TRAF3: variants seen among roughly 807,000 people sequenced by gnomAD.
The protein encoded by TRAF3 is TNF receptor associated factor 3, also known as TNF receptor-associated factor 3.
In TRAF3, 13 loss-of-function variants were observed where a neutral mutation model predicts 62.3. The ratio of observed to expected loss-of-function variants is 0.21; its 90% CI spans 0.14 to 0.33. TRAF3 has a LOEUF of 0.33. TRAF3 is among the 10% of genes least tolerant of loss of function. The pLI is 1.00. For synonymous variants in TRAF3, 269 were observed against 283.4 expected, an observed-to-expected ratio of 0.95 and a Z score of 0.51; for missense variants, 440 against 741.8, an observed-to-expected ratio of 0.59 and a Z score of 4.73.
chr14:102,793,421 T>C (rs2139422249), intron 1 of TRAF3, among the ~76,000 whole-genome samples: 1 of 152,336 alleles, frequency 6.6e-6, no homozygotes, highest in East Asian at 1.9e-4. Flanking sequence ...CCCAAAGTGC[T>C]GGGATTACAG....
chr14:102,858,640 G>T (rs916164807), intron 2 of TRAF3, among the ~76,000 whole-genome samples: 3 of 152,146 alleles, frequency 2.0e-5, no homozygotes, highest in Non-Finnish European at 4.4e-5. Context: ...TAGGAATTTT[G>T]ATTACTTTTG....
At chr14:102,857,610 T>C (rs7154352) in intron 2 of TRAF3, among the ~76,000 whole-genome samples, 64,197 of 151,726 alleles carry the variant, frequency 0.42, 18,590 homozygotes, top group African/African-American at 0.82. Flanking sequence ...TGGCGTGGGG[T>C]TCCTGGGCCT....
chr14:102,787,352 C>CT lies in TRAF3; in HGVS notation c.-157+9685dup, dbSNP rs545070861. Among the ~76,000 whole-genome samples the CT allele has an allele frequency of 3.3e-5, 5 of 151,922 alleles. No individual in the cohort carries two copies. The East Asian group carries it at 5.8e-4, about 18-fold the overall frequency. On this transcript the variant is annotated intron_variant, in intron 1 of 11. Transcript: ENST00000392745. ...ATATATTTAAATTCGTATTTTAGCA[C>CT]TTTTTTTTCTGTTATTTAGCAATAA...
chr14:102,910,703 G>A lies in TRAF3; in HGVS notation c.*4919G>A, dbSNP rs983668231. On this transcript the variant is annotated 3_prime_UTR_variant, in exon 12 of 12. Coordinates refer to ENST00000392745, the MANE Select transcript of TRAF3 (RefSeq NM_145725.3). ...CGGGGCTGGCAGGTGTGCGGGTGAG[G>A]AGGCCCCGGTGGCCAAGCAGAGCCT... 2.0e-5 allele frequency: 3 copies of A among 152,356 alleles called. No individual in the cohort carries two copies. Among genetic ancestry groups the A allele is most frequent in the African/African-American group, 7.2e-5 (3 of 41,464 alleles). The allele number at this position is 152,356 out of a possible 1,614,324, so 9.4% of individuals were successfully genotyped here. A position where few individuals can be genotyped will look rare whatever the true frequency, so the allele number is the denominator to read the frequency against.
At chr14:102,840,977 G>A (rs561705003) in intron 2 of TRAF3, among the ~76,000 whole-genome samples, 7 of 152,312 alleles carry the variant, frequency 4.6e-5, no homozygotes, top group African/African-American at 1.2e-4. Context: ...TTTGGGGGCC[G>A]GATGCTGTTA....
At chr14:102,887,054 G>A (rs945668420) in intron 7 of TRAF3, among the ~76,000 whole-genome samples, 2 of 152,178 alleles carry the variant, frequency 1.3e-5, no homozygotes, top group Admixed American at 6.5e-5. Flanking sequence ...CTCACATTGC[G>A]CTTGGCACTC....
intron 1 of TRAF3, among the ~76,000 whole-genome samples, chr14:102,796,108 T>C (rs934603360): frequency 6.6e-6 from 1 of 152,120 alleles, no homozygotes; most frequent in African/African-American, 2.4e-5. Context: ...TCCCAGCTAC[T>C]TGGGAGGCTG....
intron 2 of TRAF3, among the ~76,000 whole-genome samples, chr14:102,831,288 A>G (rs1900666925): frequency 6.6e-6 from 1 of 152,182 alleles, no homozygotes. Context: ...CCCTATGGTG[A>G]GGAAACCCAT....
In TRAF3 at chr14:102,905,885, G is replaced by A. The variant is rs920973596; in HGVS notation, c.*101G>A. ...CCTCGCGCTCAGAAAAGGACCTTGT[G>A]AGACGGAGGAAGCGGCAGAAGGCGG... On this transcript the variant is annotated 3_prime_UTR_variant, in exon 12 of 12. Transcript: ENST00000392745. 37 of 1,129,624 alleles carry A rather than the reference G, an allele frequency of 3.3e-5. No individual in the cohort carries two copies. The African/African-American group carries it at 5.5e-4, about 17-fold the overall frequency. The allele number at this position is 1,129,624 out of a possible 1,614,324, so 70.0% of individuals were successfully genotyped here. A position where few individuals can be genotyped will look rare whatever the true frequency, so the allele number is the denominator to read the frequency against.
intron 10 of TRAF3, among the ~76,000 whole-genome samples, chr14:102,898,650 G>C (rs1439965539): frequency 1.3e-5 from 2 of 152,228 alleles, no homozygotes; most frequent in Non-Finnish European, 2.9e-5. Flanking sequence ...GAATGCACAA[G>C]TACTGGATTC....
intron 6 of TRAF3, among the ~76,000 whole-genome samples, chr14:102,882,340 C>T (rs1227750434): frequency 1.3e-5 from 2 of 152,192 alleles, no homozygotes; most frequent in Admixed American, 1.3e-4. Context: ...GCAGTGTTGA[C>T]AGTAGAGTGC....
chr14:102,877,397 C>T lies in TRAF3; in HGVS notation c.570+872C>T, dbSNP rs142481234. Reference sequence around the variant, plus strand: ...CCTTCCGCTCAATTCATAGATAATCCGTTCCACAGGCCTTCCGCTCAGCTC... The same window carrying T: ...CCTTCCGCTCAATTCATAGATAATCTGTTCCACAGGCCTTCCGCTCAGCTC... On this transcript the variant is annotated intron_variant, in intron 6 of 11. Coordinates refer to ENST00000392745, the MANE Select transcript of TRAF3 (RefSeq NM_145725.3). Among the ~76,000 whole-genome samples the T allele has an allele frequency of 4.6e-3, 680 of 146,334 alleles. 16 individuals carry two copies. Among genetic ancestry groups the T allele is most frequent in the Middle Eastern group, 0.038 (10 of 262 alleles).
At chr14:102,864,608 C>G (rs972486501) in intron 2 of TRAF3, among the ~76,000 whole-genome samples, 7 of 152,082 alleles carry the variant, frequency 4.6e-5, no homozygotes, top group Non-Finnish European at 1.0e-4. Context: ...TTACGTACAC[C>G]TTACTTGGTT....
chr14:102,882,572 T>TG (rs34394788), intron 6 of TRAF3, among the ~76,000 whole-genome samples: 3,088 of 151,630 alleles, frequency 0.02, 129 homozygotes, highest in African/African-American at 0.072. Flanking sequence ...ATTTTGTTTT[T>TG]TTTTTTTTTC....
chr14:102,782,998 G>A (rs1285452891), intron 1 of TRAF3, among the ~76,000 whole-genome samples: 1 of 152,226 alleles, frequency 6.6e-6, no homozygotes, highest in East Asian at 1.9e-4. Flanking sequence ...GGTTTCCTGA[G>A]ATTAATTTTG....
chr14:102,794,662 A>G lies in TRAF3; in HGVS notation c.-157+16987A>G, dbSNP rs180744519. 2.7e-3 allele frequency among the ~76,000 whole-genome samples: 411 copies of G among 152,362 alleles called. 2 individuals are homozygous for G. The highest frequency in any genetic ancestry group is 8.1e-3 in the Admixed American group (124 of 15,294). On this transcript the variant is annotated intron_variant, in intron 1 of 11. Coordinates refer to ENST00000392745, the MANE Select transcript of TRAF3 (RefSeq NM_145725.3). ...TTGATCTGGTATACGCATGGTGGCT[A>G]GATTCCATAGTGCTCTCAGTAATAT...
At chr14:102,893,972 A>G (rs1427434647) in intron 9 of TRAF3, among the ~76,000 whole-genome samples, 1 of 152,174 alleles carries the variant, frequency 6.6e-6, no homozygotes, top group Non-Finnish European at 1.5e-5. Flanking sequence ...ATTTAGTTGG[A>G]ATTTCTTAGG....
chr14:102,911,043 C>G lies in TRAF3; in HGVS notation c.*5259C>G, dbSNP rs1169711768. 1 of 152,236 alleles carries G rather than the reference C, an allele frequency of 6.6e-6. No individual in the cohort carries two copies. The highest frequency in any genetic ancestry group is 1.5e-5 in the Non-Finnish European group (1 of 68,042). 9.4% of individuals were successfully genotyped at this position (152,236 alleles called of 1,614,324 possible). A position where few individuals can be genotyped will look rare whatever the true frequency, so the allele number is the denominator to read the frequency against. On this transcript the variant is annotated 3_prime_UTR_variant, in exon 12 of 12. Transcript: ENST00000392745. ...CGCAGCCTCTTCTCTGCCGGTGCCTCTGTTCGGTTCTGTTACCCAAAAACA... is the reference window on the plus strand; with the variant it reads ...CGCAGCCTCTTCTCTGCCGGTGCCTGTGTTCGGTTCTGTTACCCAAAAACA...
In TRAF3 at chr14:102,903,342, A is replaced by G; in HGVS notation, c.1048A>G (p.Met350Val). 1.2e-6 allele frequency: 2 copies of G among 1,614,250 alleles called. No homozygotes were observed. The highest frequency in any genetic ancestry group is 1.7e-6 in the Non-Finnish European group (2 of 1,180,048). ...FRQNWEEADSMKSSVESLQNR... is the reference protein window; with the variant it reads ...FRQNWEEADSVKSSVESLQNR... ...GCAGAACTGGGAGGAAGCAGACAGC[A>G]TGAAGAGCAGCGTGGAGTCCCTCCA... is the stretch of plus-strand genomic sequence containing the variant. Residue 350 changes from methionine (M) to valine (V), a missense_variant, in exon 11 of 12, where the codon ATG becomes GTG. By Grantham distance (21) the Met-to-Val change is conservative (BLOSUM62 1). Coordinates refer to ENST00000392745, the MANE Select transcript of TRAF3 (RefSeq NM_145725.3). This position sits in a 1 kb window ranked among gnomAD's most constrained non-coding sequence, Gnocchi z 6.4.
Sources: gnomAD v4.1 joint callset for allele counts (sites outside exome capture counted in the v4.1 genomes callset) on GRCh38, gnomAD v4.1.1 for gene constraint, Gnocchi (gnomAD v3.1) non-coding constraint, MANE v1.5 for transcripts, NCBI Gene and HGNC (gene_info 2026-07-23, HGNC 2026-07-21) for gene names.